Variants in SLC39A9 observed in about 807,000 individuals in gnomAD.
SLC39A9 encodes the protein solute carrier family 39 member 9.
A neutral mutation model predicts 28.4 loss-of-function variants in SLC39A9; 14 were observed. The ratio of observed to expected loss-of-function variants is 0.49; its 90% CI spans 0.33 to 0.77. The LOEUF (loss-of-function observed/expected upper bound fraction) is 0.77, where lower values mean the gene tolerates loss of function less well. SLC39A9 is among the 30% of genes least tolerant of loss of function. The probability of loss-of-function intolerance (pLI) is 0.02; values close to 1 mark genes in which losing one functional copy is unlikely to be tolerated. For missense variants in SLC39A9, 283 were observed against 381.1 expected (o/e 0.74, Z 2.14); for synonymous variants, 119 against 149.6 (o/e 0.80, Z 1.49).
intron 2 of SLC39A9, 99 bp from the exon 3 acceptor site, chr14:69,441,969 TA>T: frequency 6.8e-7 from 1 of 1,477,576 alleles, no homozygotes; most frequent in East Asian, 2.4e-5. Flanking sequence ...GTCTTTACAG[TA>T]AAGTAAGTAG....
chr14:69,457,787 T>C (rs1385443447), intron 6 of SLC39A9, among the ~76,000 whole-genome samples: 1 of 152,220 alleles, frequency 6.6e-6, no homozygotes, highest in African/African-American at 2.4e-5. Context: ...CTTGGGAAGC[T>C]GAGACAGGAG....
intron 2 of SLC39A9, among the ~76,000 whole-genome samples, chr14:69,434,073 C>CTT (rs1566917650): frequency 6.5e-5 from 9 of 139,284 alleles, no homozygotes; most frequent in African/African-American, 2.1e-4. Context: ...GCATGTAATT[C>CTT]TTTTCTTTTC....
At chr14:69,401,192 T>C (rs958472668) in intron 1 of SLC39A9, among the ~76,000 whole-genome samples, 2 of 152,052 alleles carry the variant, frequency 1.3e-5, no homozygotes, top group Admixed American at 6.5e-5. Flanking sequence ...CTGCAGACTG[T>C]TCCATTAGCA....
chr14:69,439,285 A>G (rs1884931635), intron 2 of SLC39A9, among the ~76,000 whole-genome samples: 1 of 152,198 alleles, frequency 6.6e-6, no homozygotes, highest in South Asian at 2.1e-4. Context: ...TACATATGTA[A>G]CAAACCTACA....
intron 3 of SLC39A9, among the ~76,000 whole-genome samples, chr14:69,444,512 G>A (rs1020208973): frequency 3.3e-5 from 5 of 152,134 alleles, no homozygotes; most frequent in Admixed American, 6.5e-5. Flanking sequence ...CAATACACCC[G>A]ATTGGCAAAG....
At chr14:69,424,288 C>A in intron 2 of SLC39A9, 86 bp downstream of exon 2, 1 of 974,970 alleles carries the variant, frequency 1.0e-6, no homozygotes, top group African/African-American at 1.6e-5. Context: ...TTTCTGAGCA[C>A]AGTTCATGTT....
chr14:69,424,257 G>A lies in SLC39A9; in HGVS notation c.205+55G>A, dbSNP rs556646185. ...ATGTTATTGACTTGGAGGGTTAGCA[G>A]GATGAAGCTTAGTGGTATGTTTTCT... On this transcript the variant is annotated intron_variant, in intron 2 of 6. Coordinates refer to ENST00000336643, the MANE Select transcript of SLC39A9 (RefSeq NM_018375.5). 10 of 1,323,960 alleles carry A rather than the reference G, an allele frequency of 7.6e-6. No homozygotes were observed. The East Asian group carries it at 2.3e-4, about 31-fold the overall frequency. 82.0% of individuals were successfully genotyped at this position (1,323,960 alleles called of 1,614,324 possible).
At chr14:69,403,923 A>T (rs1027351842) in intron 1 of SLC39A9, among the ~76,000 whole-genome samples, 1 of 152,180 alleles carries the variant, frequency 6.6e-6, no homozygotes, top group Non-Finnish European at 1.5e-5. Context: ...CGTGCCTGTA[A>T]TCCCAGCTAC....
intron 1 of SLC39A9, among the ~76,000 whole-genome samples, chr14:69,420,498 G>A (rs1483080234): frequency 2.6e-5 from 4 of 152,166 alleles, no homozygotes; most frequent in South Asian, 2.1e-4. Flanking sequence ...TTCTCGAGGA[G>A]TATCTTTGTG....
At chr14:69,437,786 C>T (rs1449170610) in intron 2 of SLC39A9, among the ~76,000 whole-genome samples, 2 of 151,844 alleles carry the variant, frequency 1.3e-5, no homozygotes, top group Admixed American at 6.6e-5. Context: ...ATGGGTTTCA[C>T]CATCTTGGCC....
chr14:69,443,774 CG>C (rs2139430162), intron 3 of SLC39A9, among the ~76,000 whole-genome samples: 1 of 152,106 alleles, frequency 6.6e-6, no homozygotes, highest in African/African-American at 2.4e-5. Flanking sequence ...GGGACTGAGG[CG>C]GGAGGAACGC....
At chr14:69,448,607 G>A (rs1885457819) in intron 3 of SLC39A9, among the ~76,000 whole-genome samples, 2 of 152,312 alleles carry the variant, frequency 1.3e-5, no homozygotes, top group South Asian at 4.1e-4. Context: ...GTCAAAGCGA[G>A]AGGAAATGTT....
intron 2 of SLC39A9, among the ~76,000 whole-genome samples, chr14:69,436,891 G>T (rs1440615673): frequency 6.6e-6 from 1 of 152,172 alleles, no homozygotes; most frequent in African/African-American, 2.4e-5. Flanking sequence ...AGCAGAAAAG[G>T]CAGAACAGCA....
In SLC39A9 at chr14:69,459,525, C is replaced by T. The variant is rs1354923144; in HGVS notation, c.*932C>T. ...CTTTGTAGTAGCTTTTTTTAAAAGACTACCAAAATGTATGGTTGTCCTTTT... is the reference window on the plus strand; with the variant it reads ...CTTTGTAGTAGCTTTTTTTAAAAGATTACCAAAATGTATGGTTGTCCTTTT... On this transcript the variant is annotated 3_prime_UTR_variant, in exon 7 of 7. Transcript: ENST00000336643. 7.2e-6 allele frequency: 7 copies of T among 970,934 alleles called. No individual in the cohort carries two copies. Among genetic ancestry groups the T allele is most frequent in the Non-Finnish European group, 8.5e-6 (7 of 819,020 alleles). 60.1% of individuals were successfully genotyped at this position (970,934 alleles called of 1,614,324 possible). A position where few individuals can be genotyped will look rare whatever the true frequency, so the allele number is the denominator to read the frequency against.
In SLC39A9 at chr14:69,461,132, A is replaced by T. The variant is rs1348453384; in HGVS notation, c.*2539A>T. 1 of 987,136 alleles carries T rather than the reference A, an allele frequency of 1.0e-6. No homozygotes were observed. The highest frequency in any genetic ancestry group is 1.2e-6 in the Non-Finnish European group (1 of 831,082). 61.1% of individuals were successfully genotyped at this position (987,136 alleles called of 1,614,324 possible). On this transcript the variant is annotated 3_prime_UTR_variant, in exon 7 of 7. Transcript: ENST00000336643. ...ATACTTAAGTTGCTGCCATGATTAC[A>T]GATGGAATTATTGGCTACCAAAGAG... is the stretch of plus-strand genomic sequence containing the variant.
rs1882454215 is a variant in SLC39A9, at chr14:69,398,798, G to T, written c.-572G>T. ...CAGCACCGGGTATAGGGCAGAGACA[G>T]CTTTGTGTCAACTTTGCTGCTGAAC... On this transcript the variant is annotated 5_prime_UTR_variant, in exon 1 of 7. Transcript: ENST00000336643. 1 of 187,674 alleles carries T rather than the reference G, an allele frequency of 5.3e-6. No homozygotes were observed. Among genetic ancestry groups the T allele is most frequent in the Non-Finnish European group, 1.1e-5 (1 of 89,642 alleles). 11.6% of individuals were successfully genotyped at this position (187,674 alleles called of 1,614,324 possible). A position where few individuals can be genotyped will look rare whatever the true frequency, so the allele number is the denominator to read the frequency against.
chr14:69,453,162 A>G (rs980905447), intron 3 of SLC39A9, 79 bp from the exon 4 acceptor site: 3 of 1,279,936 alleles, frequency 2.3e-6, no homozygotes, highest in Middle Eastern at 2.4e-4. Flanking sequence ...CATTAGTGAA[A>G]TTCTTTCACC....
At chr14:69,456,343 A>C (rs572203476) in intron 6 of SLC39A9, among the ~76,000 whole-genome samples, 1 of 152,334 alleles carries the variant, frequency 6.6e-6, no homozygotes, top group South Asian at 2.1e-4. Context: ...AAAGGGAACA[A>C]CATACTGCTC....
rs2232061 is a variant in SLC39A9, at chr14:69,458,514, G to C, written c.845G>C (p.Gly282Ala). 3.6e-4 allele frequency: 576 copies of C among 1,614,248 alleles called. 3 individuals are homozygous for C. The African/African-American group carries it at 6.5e-3, about 18-fold the overall frequency. ...AAGCCCGATGCCACGGGAGGGAGAGGCCTCAGCCGCCTGGAAGTGGCAGCC... is the reference window on the plus strand; with the variant it reads ...AAGCCCGATGCCACGGGAGGGAGAGCCCTCAGCCGCCTGGAAGTGGCAGCC... ...SHKPDATGGR[G>A]LSRLEVAALV... is the part of the protein sequence containing the mutation. The change falls in exon 7 of 7, where the codon GGC becomes GCC. Residue 282 changes from glycine to alanine, a missense_variant. Physicochemically the swap from Gly to Ala is moderately conservative, Grantham distance 60. Coordinates refer to ENST00000336643, the MANE Select transcript of SLC39A9 (RefSeq NM_018375.5).
Sources: allele counts gnomAD v4.1 joint callset (sites outside exome capture counted in the v4.1 genomes callset), GRCh38; gene constraint gnomAD v4.1.1; transcripts MANE v1.5; gene names NCBI Gene and HGNC (gene_info 2026-07-23, HGNC 2026-07-21).